The following PDE7B variants were observed in gnomAD, a reference collection of about 807,000 sequenced individuals.
The protein encoded by PDE7B is phosphodiesterase 7B, also known as 3',5'-cyclic-AMP phosphodiesterase 7B.
Under a neutral mutation model 56.2 loss-of-function variants are expected in PDE7B, and 29 were observed. The observed-to-expected ratio is 0.52, with a 90% CI of 0.38 to 0.70. PDE7B has a LOEUF of 0.70. Among genes scored for constraint, PDE7B ranks in the 30% least tolerant of loss-of-function variants. The pLI is 0.00. For synonymous variants in PDE7B, 197 were observed against 196.9 expected (o/e 1.00, Z 0.00); for missense variants, 490 against 565.0 (o/e 0.87, Z 1.35).
chr6:135,852,099 A>G, intron 1 of PDE7B, 80 bp downstream of exon 1: 1 of 930,752 alleles, frequency 1.1e-6, no homozygotes, highest in Non-Finnish European at 1.8e-6. Flanking sequence ...ATTTTTATTT[A>G]AAATGAACCT....
intron 2 of PDE7B, among the ~76,000 whole-genome samples, chr6:136,059,792 CT>C (rs1477920641): frequency 6.6e-6 from 1 of 152,110 alleles, no homozygotes; most frequent in Non-Finnish European, 1.5e-5. Flanking sequence ...AAATGGATTG[CT>C]TCCATAAGTA....
At chr6:136,159,646 C>T (rs1406631490) in intron 8 of PDE7B, among the ~76,000 whole-genome samples, 1 of 152,170 alleles carries the variant, frequency 6.6e-6, no homozygotes, top group Non-Finnish European at 1.5e-5. Flanking sequence ...ACTCAGCAGC[C>T]TCCATTATCT....
intron 1 of PDE7B, among the ~76,000 whole-genome samples, chr6:135,902,563 T>G (rs1776023555): frequency 6.6e-6 from 1 of 152,190 alleles, no homozygotes; most frequent in South Asian, 2.1e-4. Context: ...TGGCCTCTGC[T>G]TAATTTCAAT....
At chr6:135,882,677 T>A (rs546375449) in intron 1 of PDE7B, among the ~76,000 whole-genome samples, 3 of 152,344 alleles carry the variant, frequency 2.0e-5, no homozygotes, top group Non-Finnish European at 2.9e-5. Flanking sequence ...TGCAGTTTTT[T>A]AAAGTAATTT....
intron 2 of PDE7B, among the ~76,000 whole-genome samples, chr6:136,050,958 T>C (rs1274718788): frequency 6.6e-6 from 1 of 152,182 alleles, no homozygotes; most frequent in Non-Finnish European, 1.5e-5. Context: ...GCTAATGCCG[T>C]TCAGAGCCTG....
At chr6:135,997,240 C>G (rs1389104200) in intron 2 of PDE7B, among the ~76,000 whole-genome samples, 1 of 150,914 alleles carries the variant, frequency 6.6e-6, no homozygotes, top group Non-Finnish European at 1.5e-5. Context: ...ATGGTGAGGC[C>G]CTGTCTCAAC....
intron 1 of PDE7B, among the ~76,000 whole-genome samples, chr6:135,881,341 CAAAAAAA>C (rs34454603): frequency 8.3e-6 from 1 of 119,962 alleles, no homozygotes; most frequent in Non-Finnish European, 1.8e-5. Flanking sequence ...ACTAAAAATA[CAAAAAAA>C]AAAAAAAAAA....
At chr6:136,131,538 A>G (rs1778118602) in intron 3 of PDE7B, among the ~76,000 whole-genome samples, 1 of 134,142 alleles carries the variant, frequency 7.5e-6, no homozygotes, top group Non-Finnish European at 1.6e-5. Flanking sequence ...TGTTTGCCCA[A>G]GTAACTCCCA....
chr6:136,156,030 C>A, intron 8 of PDE7B: 2 of 516,642 alleles, frequency 3.9e-6, no homozygotes, highest in Admixed American at 5.2e-5. Flanking sequence ...AGAGTAAATA[C>A]TTGTGCTGTT....
intron 2 of PDE7B, among the ~76,000 whole-genome samples, chr6:136,026,390 A>G (rs6904355): frequency 0.011 from 1,686 of 152,122 alleles, 37 homozygotes; most frequent in African/African-American, 0.037. Flanking sequence ...GTCATGACCC[A>G]GGTGGCAGTG....
intron 2 of PDE7B, among the ~76,000 whole-genome samples, chr6:136,052,626 C>CCA (rs397819027): frequency 2.0e-5 from 3 of 150,452 alleles, no homozygotes; most frequent in African/African-American, 7.4e-5. Flanking sequence ...AGCCCCCCCC[C>CCA]ACCCACAGCA....
chr6:136,172,208 G>A (rs1244870373), intron 8 of PDE7B, among the ~76,000 whole-genome samples: 19 of 152,218 alleles, frequency 1.2e-4, no homozygotes, highest in East Asian at 3.9e-4. Context: ...TTGAGGAATC[G>A]CCACACTGAC....
chr6:135,921,556 T>C (rs1774081282), intron 1 of PDE7B, among the ~76,000 whole-genome samples: 1 of 152,190 alleles, frequency 6.6e-6, no homozygotes, highest in African/African-American at 2.4e-5. Flanking sequence ...ATATCCATCA[T>C]CTGGACATTC....
At chr6:135,997,537 GA>G (rs770755918) in intron 2 of PDE7B, among the ~76,000 whole-genome samples, 10 of 131,112 alleles carry the variant, frequency 7.6e-5, no homozygotes, top group African/African-American at 1.7e-4. Flanking sequence ...TCTATCATAA[GA>G]AAAAAATCTA....
rs143097292 is a variant in PDE7B, at chr6:135,956,240, A to G, written c.82+8716A>G. On this transcript the variant is annotated intron_variant, in intron 2 of 12. Transcript: ENST00000308191. ...GGAGACTAAAATAGAGTGGGCAGAA[A>G]GATAAAGGAAAAGGAGAGAATGGTA... Among the ~76,000 whole-genome samples, 239 of 152,312 alleles carry G rather than the reference A, an allele frequency of 1.6e-3. 1 individual carries two copies. The East Asian group carries it at 0.028, about 18-fold the overall frequency.
chr6:135,928,483 T>TATTTATATATA (rs1774235103), intron 1 of PDE7B, among the ~76,000 whole-genome samples: 5 of 96,866 alleles, frequency 5.2e-5, no homozygotes, highest in African/African-American at 1.8e-4. Context: ...ATATATATAT[T>TATTTATATATA]TATTTATATA....
chr6:136,005,745 A>T (rs548473666), intron 2 of PDE7B, among the ~76,000 whole-genome samples: 2,519 of 152,298 alleles, frequency 0.017, 38 homozygotes, highest in Non-Finnish European at 0.021. Flanking sequence ...GAACACTTTT[A>T]CACTGTTGGT....
intron 2 of PDE7B, among the ~76,000 whole-genome samples, chr6:136,036,255 G>C (rs1475634342): frequency 1.3e-5 from 2 of 152,178 alleles, no homozygotes; most frequent in Non-Finnish European, 2.9e-5. Context: ...AGGGAAAAAG[G>C]AAGGGCACAT....
intron 1 of PDE7B, among the ~76,000 whole-genome samples, chr6:135,885,728 C>T (rs1562424776): frequency 6.6e-6 from 1 of 152,100 alleles, no homozygotes; most frequent in Non-Finnish European, 1.5e-5. Flanking sequence ...TTGAAAAGAG[C>T]ACAAAATAGA....
Sources: allele counts gnomAD v4.1 joint callset (sites outside exome capture counted in the v4.1 genomes callset), GRCh38; gene constraint gnomAD v4.1.1; transcripts MANE v1.5; gene names NCBI Gene and HGNC (gene_info 2026-07-23, HGNC 2026-07-21).